LRTM2: variants seen among roughly 807,000 people sequenced by gnomAD.
LRTM2 encodes the protein leucine rich repeat transmembrane protein 2.
Under a neutral mutation model 28.1 loss-of-function variants are expected in LRTM2, and 18 were observed. The ratio of observed to expected loss-of-function variants is 0.64; its 90% CI spans 0.44 to 0.95. The LOEUF is 0.95. Ranked by LOEUF, LRTM2 falls within the 40% of genes least tolerant of loss-of-function variation. The probability of loss-of-function intolerance (pLI) is 0.00; values close to 1 mark genes in which losing one functional copy is unlikely to be tolerated. For missense variants in LRTM2, 436 were observed against 497.2 expected (o/e 0.88, Z 1.17); for synonymous variants, 250 against 218.7 (o/e 1.14, Z -1.26).
In LRTM2 at chr12:1,828,142, C is replaced by A; in HGVS notation, c.-7C>A. The A allele has an allele frequency of 2.0e-6, 3 of 1,537,572 alleles. No homozygotes were observed. Among genetic ancestry groups the A allele is most frequent in the Non-Finnish European group, 2.6e-6 (3 of 1,140,792 alleles). On this transcript the variant is annotated 5_prime_UTR_variant, in exon 3 of 5. Transcript: ENST00000299194. This position sits in a 1 kb window ranked among gnomAD's most constrained non-coding sequence, Gnocchi z 4.2. ...GCGACAGGGCCCGGAGAGCCGTGGG[C>A]CTCACCATGCTGGCGCCGGGCAGCA...
chr12:1,834,643 G>A lies in LRTM2; in HGVS notation c.1035G>A (p.Glu345=), dbSNP rs1864775263. The change falls in exon 5 of 5, where the codon GAG becomes GAA. Residue 345 remains glutamate, a synonymous_variant. Coordinates refer to ENST00000299194, the MANE Select transcript of LRTM2 (RefSeq NM_001039029.3). The surrounding 1 kb of genome is among the most constrained non-coding windows in gnomAD (Gnocchi z 7.6). ...YASLMAKYHR[E]LKKRQPLMGD... is the part of the protein sequence containing the mutation. ...CCCTCATGGCCAAGTACCACCGGGA[G>A]CTCAAAAAGCGCCAGCCCCTGATGG... 3 of 1,600,684 alleles carry A rather than the reference G, an allele frequency of 1.9e-6. No homozygotes were observed. Among genetic ancestry groups the A allele is most frequent in the Non-Finnish European group, 8.5e-7 (1 of 1,179,828 alleles).
Position 1,834,606 on chromosome 12 carries a change from G to A in LRTM2, c.998G>A (p.Cys333Tyr), listed in dbSNP as rs1483347441. 6.2e-7 allele frequency: 1 copy of A among 1,600,146 alleles called. No individual in the cohort carries two copies. The highest frequency in any genetic ancestry group is 1.3e-5 in the African/African-American group (1 of 75,046). Residue 333 changes from cysteine (C) to tyrosine (Y), a missense_variant, in exon 5 of 5, where the codon TGC becomes TAC. Transcript: ENST00000299194. This position sits in a 1 kb window ranked among gnomAD's most constrained non-coding sequence, Gnocchi z 7.6. The stretch of plus-strand genomic sequence containing the variant: ...ATGGTGGTGGCCGCTGCCTATGGCT[G>A]CATCTACGCCTCCCTCATGGCCAAG... Reference protein sequence around the residue: ...IMMVVAAAYGCIYASLMAKYH... With the variant: ...IMMVVAAAYGYIYASLMAKYH...
At position 1,828,143 on chromosome 12, in the gene LRTM2, C is replaced by G. The variant is rs772923912; in HGVS notation, c.-6C>G. 6.5e-7 allele frequency: 1 copy of G among 1,538,588 alleles called. No homozygotes were observed. The highest frequency in any genetic ancestry group is 1.2e-5 in the South Asian group (1 of 82,682). On this transcript the variant is annotated 5_prime_UTR_variant, in exon 3 of 5. Coordinates refer to ENST00000299194, the MANE Select transcript of LRTM2 (RefSeq NM_001039029.3). The surrounding 1 kb of genome is among the most constrained non-coding windows in gnomAD (Gnocchi z 4.2). ...CGACAGGGCCCGGAGAGCCGTGGGC[C>G]TCACCATGCTGGCGCCGGGCAGCAG...
Position 1,828,273 on chromosome 12 carries a change from C to T in LRTM2, c.67+58C>T. On this transcript the variant is annotated intron_variant, in intron 3 of 4. Transcript: ENST00000299194. This position sits in a 1 kb window ranked among gnomAD's most constrained non-coding sequence, Gnocchi z 4.2. ...GGGTTGGGTGGGGGTGCCGAGGTGA[C>T]TGTAGGTAGCGCCATATGGGACCTT... The T allele has an allele frequency of 7.0e-7, 1 of 1,431,982 alleles. No homozygotes were observed. The highest frequency in any genetic ancestry group is 9.4e-7 in the Non-Finnish European group (1 of 1,060,186). 88.7% of individuals were successfully genotyped at this position (1,431,982 alleles called of 1,614,324 possible). A position where few individuals can be genotyped will look rare whatever the true frequency, so the allele number is the denominator to read the frequency against.
Position 1,834,771 on chromosome 12 carries a change from A to G in LRTM2, c.*50A>G, listed in dbSNP as rs1864784257. 6.5e-7 allele frequency: 1 copy of G among 1,528,350 alleles called. No individual in the cohort carries two copies. Among genetic ancestry groups the G allele is most frequent in the African/African-American group, 1.4e-5 (1 of 73,000 alleles). The allele number at this position is 1,528,350 out of a possible 1,614,324, so 94.7% of individuals were successfully genotyped here. ...AGGAAGGGCGGGGAGAGCACACGGC[A>G]TTGCTCAGCCACAGCTCCCACCTTG... On this transcript the variant is annotated 3_prime_UTR_variant, in exon 5 of 5. Transcript: ENST00000299194. This position sits in a 1 kb window ranked among gnomAD's most constrained non-coding sequence, Gnocchi z 7.6.
rs1864459131 is a variant in LRTM2, at chr12:1,828,429, T to G, written c.67+214T>G. ...GTCAGAGTCACCGCTGAGTGCTGAG[T>G]GGTTAGACCTGGAGCTGGAGGCCAC... On this transcript the variant is annotated intron_variant, in intron 3 of 4. Transcript: ENST00000299194. This position sits in a 1 kb window ranked among gnomAD's most constrained non-coding sequence, Gnocchi z 4.2. Among the ~76,000 whole-genome samples, 1 of 152,158 alleles carries G rather than the reference T, an allele frequency of 6.6e-6. No homozygotes were observed. Among genetic ancestry groups the G allele is most frequent in the Non-Finnish European group, 1.5e-5 (1 of 68,024 alleles).
chr12:1,831,603 G>A, intron 4 of LRTM2, 78 bp downstream of exon 4: 4 of 1,264,600 alleles, frequency 3.2e-6, no homozygotes, highest in Non-Finnish European at 4.5e-6. Context: ...CCTGGTGGCT[G>A]GGTGCTGACT....
At chr12:1,831,566 C>A in intron 4 of LRTM2, 41 bp downstream of exon 4, 8 of 1,522,674 alleles carry the variant, frequency 5.3e-6, no homozygotes, top group Non-Finnish European at 7.2e-6. Context: ...GGGATTGGGA[C>A]GATCACCTCT....
intron 4 of LRTM2, among the ~76,000 whole-genome samples, chr12:1,832,326 G>A (rs774944158): frequency 2.3e-4 from 35 of 152,314 alleles, no homozygotes; most frequent in South Asian, 4.1e-4. Context: ...TATCTATTTC[G>A]TAGGGTCATT....
chr12:1,824,728 C>G (rs1337661175), intron 1 of LRTM2, among the ~76,000 whole-genome samples: 1 of 152,192 alleles, frequency 6.6e-6, no homozygotes, highest in Non-Finnish European at 1.5e-5. Flanking sequence ...GTAGGTCACC[C>G]CCTTTCCTTA....
chr12:1,825,668 G>A (rs1864283765), intron 1 of LRTM2, among the ~76,000 whole-genome samples: 1 of 152,230 alleles, frequency 6.6e-6, no homozygotes. Context: ...CTCTGTGGGT[G>A]TGTGTTTGCA....
rs765463520 is a variant in LRTM2 at position 1,831,149 on chromosome 12, G to T, written c.282G>T (p.Leu94=). ...PSWAFANLSS[L]QRLDLSNNFL... ...GGGCTTTCGCCAACCTCTCCAGCCT[G>T]CAGCGGTTGGACCTGTCCAACAACT... Residue 94 remains leucine, a synonymous_variant, in exon 4 of 5, where the codon CTG becomes CTT. Coordinates refer to ENST00000299194, the MANE Select transcript of LRTM2 (RefSeq NM_001039029.3). The T allele has an allele frequency of 1.1e-5, 17 of 1,614,008 alleles. No individual in the cohort carries two copies. Among genetic ancestry groups the T allele is most frequent in the Non-Finnish European group, 1.4e-5 (17 of 1,180,042 alleles).
chr12:1,825,893 G>A (rs1041745244), intron 1 of LRTM2, among the ~76,000 whole-genome samples: 1 of 152,210 alleles, frequency 6.6e-6, no homozygotes, highest in Non-Finnish European at 1.5e-5. Context: ...TGCCTTGGGT[G>A]GCCGTGGACT....
rs1864859452 is a variant in LRTM2 at position 1,836,335 on chromosome 12, T to TG, written c.*1619dup. ...CCCTGGCTCTGGGATGGAATCTCGA[T>TG]GGGGGCTCAGGAAGAGGCCAGCAAG... On this transcript the variant is annotated 3_prime_UTR_variant, in exon 5 of 5. Coordinates refer to ENST00000299194, the MANE Select transcript of LRTM2 (RefSeq NM_001039029.3). 6.6e-6 allele frequency: 1 copy of TG among 152,352 alleles called. No individual in the cohort carries two copies. The highest frequency in any genetic ancestry group is 2.4e-5 in the African/African-American group (1 of 41,430). 9.4% of individuals were successfully genotyped at this position (152,352 alleles called of 1,614,324 possible). A position where few individuals can be genotyped will look rare whatever the true frequency, so the allele number is the denominator to read the frequency against.
intron 4 of LRTM2, among the ~76,000 whole-genome samples, chr12:1,832,786 T>C (rs2154447229): frequency 6.6e-6 from 1 of 152,370 alleles, no homozygotes; most frequent in Middle Eastern, 3.4e-3. Context: ...TTACAGCAGC[T>C]AATTGAGATA....
intron 1 of LRTM2, among the ~76,000 whole-genome samples, chr12:1,821,407 G>A (rs1203792310): frequency 6.6e-6 from 1 of 152,214 alleles, no homozygotes; most frequent in African/African-American, 2.4e-5. Flanking sequence ...ATGAGCATGG[G>A]CCCACTCAGC....
chr12:1,835,497 G>A lies in LRTM2; in HGVS notation c.*776G>A, dbSNP rs1461357070. The stretch of plus-strand genomic sequence containing the variant: ...ATGAGCGCTCGAACAGCAGAGACAT[G>A]CTCTTCCCCAGGGGTCTCCCTGAGA... On this transcript the variant is annotated 3_prime_UTR_variant, in exon 5 of 5. Coordinates refer to ENST00000299194, the MANE Select transcript of LRTM2 (RefSeq NM_001039029.3). 1 of 152,502 alleles carries A rather than the reference G, an allele frequency of 6.6e-6. No individual in the cohort carries two copies. The highest frequency in any genetic ancestry group is 6.5e-5 in the Admixed American group (1 of 15,280). 9.4% of individuals were successfully genotyped at this position (152,502 alleles called of 1,614,324 possible). A position where few individuals can be genotyped will look rare whatever the true frequency, so the allele number is the denominator to read the frequency against.
At chr12:1,825,893 GGC>G (rs1209534973) in intron 1 of LRTM2, among the ~76,000 whole-genome samples, 2 of 152,210 alleles carry the variant, frequency 1.3e-5, no homozygotes, top group Non-Finnish European at 2.9e-5. Flanking sequence ...TGCCTTGGGT[GGC>G]CGTGGACTGT....
At position 1,834,575 on chromosome 12, in the gene LRTM2, A is replaced by G; in HGVS notation, c.967A>G (p.Ile323Val). The G allele has an allele frequency of 6.2e-7, 1 of 1,601,316 alleles. No individual in the cohort carries two copies. The highest frequency in any genetic ancestry group is 8.5e-7 in the Non-Finnish European group (1 of 1,179,908). Reference protein sequence around the residue: ...IAGVVCGVVCIMMVVAAAYGC... With the variant: ...IAGVVCGVVCVMMVVAAAYGC... The stretch of plus-strand genomic sequence containing the variant: ...AGGGGTCGTGTGCGGCGTCGTCTGC[A>G]TCATGATGGTGGTGGCCGCTGCCTA... The change falls in exon 5 of 5, where the codon ATC (isoleucine) becomes GTC (valine). Residue 323 changes from isoleucine to valine, a missense_variant. Physicochemically the swap from Ile to Val is conservative, Grantham distance 29. Transcript: ENST00000299194. This position sits in a 1 kb window ranked among gnomAD's most constrained non-coding sequence, Gnocchi z 7.6.
Sources: gnomAD v4.1 joint callset for allele counts (sites outside exome capture counted in the v4.1 genomes callset) on GRCh38, gnomAD v4.1.1 for gene constraint, Gnocchi (gnomAD v3.1) non-coding constraint, MANE v1.5 for transcripts, NCBI Gene and HGNC (gene_info 2026-07-23, HGNC 2026-07-21) for gene names.